Variants in SH3BP5 observed in about 807,000 individuals in gnomAD.
The protein encoded by SH3BP5 is SH3 domain-binding protein 5.
A neutral mutation model predicts 43.3 loss-of-function variants in SH3BP5; 22 were observed. The observed-to-expected ratio is 0.51, with a 90% confidence interval of 0.36 to 0.73. SH3BP5 has a LOEUF of 0.73. Ranked by LOEUF, SH3BP5 falls within the 30% of genes least tolerant of loss-of-function variation. SH3BP5 has a pLI of 0.00. For missense variants in SH3BP5, 529 were observed against 586.9 expected, an observed-to-expected ratio of 0.90 and a Z score of 1.02; for synonymous variants, 255 against 225.8, an observed-to-expected ratio of 1.13 and a Z score of -1.16.
intron 3 of SH3BP5, among the ~76,000 whole-genome samples, chr3:15,294,306 T>C (rs1697501368): frequency 7.0e-6 from 1 of 142,296 alleles, no homozygotes. Flanking sequence ...TGTGTGTGTG[T>C]GTGTGTGTGT....
In SH3BP5 at chr3:15,332,264, G is replaced by C. The variant is rs1422946855; in HGVS notation, c.138+7C>G. ...GCCCGGATGCGGGGCGACCCCGCGC[G>C]CCCTACCTGGATCCGGGGATCCACC... On this transcript the variant is annotated splice_region_variant and intron_variant, in intron 1 of 8. Transcript: ENST00000383791. The C allele has an allele frequency of 6.4e-7, 1 of 1,551,418 alleles. No individual in the cohort carries two copies. The highest frequency in any genetic ancestry group is 8.7e-7 in the Non-Finnish European group (1 of 1,150,758).
At chr3:15,315,285 A>G (rs748666532) in intron 2 of SH3BP5, among the ~76,000 whole-genome samples, 1 of 152,068 alleles carries the variant, frequency 6.6e-6, no homozygotes, top group Non-Finnish European at 1.5e-5. Context: ...GACTCCTACA[A>G]CCTTTCAGAA....
chr3:15,293,339 G>A (rs921537850), intron 3 of SH3BP5, among the ~76,000 whole-genome samples: 4 of 152,236 alleles, frequency 2.6e-5, no homozygotes, highest in African/African-American at 7.2e-5. Context: ...CCAAAGTCCC[G>A]TGGCAAGAAC....
At chr3:15,257,774 T>C (rs1044857709) in intron 7 of SH3BP5, among the ~76,000 whole-genome samples, 20 of 152,246 alleles carry the variant, frequency 1.3e-4, no homozygotes, top group Non-Finnish European at 2.5e-4. Context: ...CTTTGGCCTT[T>C]AGCGGTTTTC....
At chr3:15,261,439 C>T (rs1165887772) in intron 5 of SH3BP5, among the ~76,000 whole-genome samples, 1 of 152,242 alleles carries the variant, frequency 6.6e-6, no homozygotes, top group Non-Finnish European at 1.5e-5. Flanking sequence ...ATCTGCCAAG[C>T]TTCCAACTGC....
rs150105058 is a variant in SH3BP5, at chr3:15,313,050, G to A, written c.202-8819C>T. 3.5e-3 allele frequency among the ~76,000 whole-genome samples: 533 copies of A among 151,940 alleles called. 4 individuals are homozygous for A. The highest frequency in any genetic ancestry group is 0.012 in the African/African-American group (499 of 41,452). Reference sequence around the variant, plus strand: ...CCTGAGGTCAGGAGTTTAAGACCAGGCTGGCCAACATGGTGAAACCCAGTC... The same window carrying A: ...CCTGAGGTCAGGAGTTTAAGACCAGACTGGCCAACATGGTGAAACCCAGTC... On this transcript the variant is annotated intron_variant, in intron 2 of 8. Coordinates refer to ENST00000383791, the MANE Select transcript of SH3BP5 (RefSeq NM_004844.5).
At chr3:15,273,290 A>G in intron 3 of SH3BP5, 1 of 985,384 alleles carries the variant, frequency 1.0e-6, no homozygotes, top group Non-Finnish European at 1.2e-6. Context: ...TTCTTCAAGC[A>G]AGAAAAGATG....
intron 3 of SH3BP5, among the ~76,000 whole-genome samples, chr3:15,294,990 C>T (rs56852893): frequency 0.04 from 6,131 of 152,174 alleles, 389 homozygotes; most frequent in African/African-American, 0.14. Context: ...TCTGTCTTTA[C>T]CAGCCACCCT....
chr3:15,292,045 A>G (rs1697426820), intron 3 of SH3BP5, among the ~76,000 whole-genome samples: 4 of 152,342 alleles, frequency 2.6e-5, no homozygotes, highest in South Asian at 2.1e-4. Context: ...TGTGTCGACA[A>G]AACTCGTAGC....
At chr3:15,264,557 G>T (rs1484553513) in intron 4 of SH3BP5, 1 of 152,136 alleles carries the variant, frequency 6.6e-6, no homozygotes, top group Non-Finnish European at 1.5e-5. Flanking sequence ...AAAGGCTTCA[G>T]TGCTTCAGAT....
intron 1 of SH3BP5, among the ~76,000 whole-genome samples, chr3:15,331,151 A>G (rs1261004305): frequency 6.6e-6 from 1 of 152,250 alleles, no homozygotes; most frequent in African/African-American, 2.4e-5. Context: ...AGTATCCAAC[A>G]TGAACTTAAC....
chr3:15,257,125 G>A lies in SH3BP5; in HGVS notation c.890-12C>T, dbSNP rs1474078017. On this transcript the variant is annotated splice_polypyrimidine_tract_variant and intron_variant, in intron 7 of 8. Transcript: ENST00000383791. ...GGCCTCCGAGGCCACTAAGTTGAGA[G>A]AGAACACCAGTCACATGGGTTCTGT... 6.2e-7 allele frequency: 1 copy of A among 1,611,018 alleles called. No homozygotes were observed. Among genetic ancestry groups the A allele is most frequent in the Admixed American group, 1.7e-5 (1 of 59,908 alleles).
chr3:15,263,293 A>C (rs1167366005), intron 4 of SH3BP5, among the ~76,000 whole-genome samples: 7 of 152,158 alleles, frequency 4.6e-5, no homozygotes, highest in African/African-American at 1.7e-4. Context: ...GCCAAATAGC[A>C]GCAGTGGGAA....
At chr3:15,282,545 G>A (rs756912395) in intron 3 of SH3BP5, among the ~76,000 whole-genome samples, 1 of 151,862 alleles carries the variant, frequency 6.6e-6, no homozygotes, top group Non-Finnish European at 1.5e-5. Context: ...CATAATTTGA[G>A]GGGAAAAGGG....
rs142811530 is a variant in SH3BP5, at chr3:15,261,494, C to T, written c.626+665G>A. On this transcript the variant is annotated intron_variant, in intron 5 of 8. Transcript: ENST00000383791. ...GCTGTGACCACACCTGGAGAACAGG[C>T]ATTCAGTAGCCCTGCACAGCCTGCT... 2.2e-3 allele frequency among the ~76,000 whole-genome samples: 333 copies of T among 152,300 alleles called. 1 individual carries two copies. The highest frequency in any genetic ancestry group is 6.9e-3 in the Admixed American group (106 of 15,304).
At chr3:15,333,373 G>A (rs1414330501), upstream of SH3BP5, 6 of 551,380 alleles carry the variant, frequency 1.1e-5, no homozygotes, top group Non-Finnish European at 1.4e-5. Flanking sequence ...GGCTGCTCAC[G>A]TCTCCTTGCC....
chr3:15,257,199 C>A, intron 7 of SH3BP5, 86 bp from the exon 8 acceptor site: 1 of 1,390,222 alleles, frequency 7.2e-7, no homozygotes, highest in Non-Finnish European at 9.9e-7. Context: ...CAGCTAGACA[C>A]AGCATGGGGG....
rs544125875 is a variant in SH3BP5, at chr3:15,255,575, A to AT, written c.*510dup. ...TGGTGAAAATGAATTGTGTTCTTGGATTTTTTTTTTTTTAAGCCTCCACTG... is the reference window on the plus strand; with the variant it reads ...TGGTGAAAATGAATTGTGTTCTTGGATTTTTTTTTTTTTTAAGCCTCCACTG... On this transcript the variant is annotated 3_prime_UTR_variant, in exon 9 of 9. Coordinates refer to ENST00000383791, the MANE Select transcript of SH3BP5 (RefSeq NM_004844.5). 505 of 146,152 alleles carry AT rather than the reference A, an allele frequency of 3.5e-3. No individual in the cohort carries two copies. The highest frequency in any genetic ancestry group is 0.01 in the South Asian group (48 of 4,632). The allele number at this position is 146,152 out of a possible 1,614,324, so 9.1% of individuals were successfully genotyped here.
At chr3:15,256,644 C>T in intron 8 of SH3BP5, 1 of 619,866 alleles carries the variant, frequency 1.6e-6, no homozygotes, top group East Asian at 2.8e-5. Flanking sequence ...AGGACCTAAG[C>T]TCTACTTTAT....
Sources: allele counts gnomAD v4.1 joint callset (sites outside exome capture counted in the v4.1 genomes callset), GRCh38; gene constraint gnomAD v4.1.1; transcripts MANE v1.5; gene names NCBI Gene and HGNC (gene_info 2026-07-23, HGNC 2026-07-21).